Variants in ESR2 observed in about 807,000 individuals in gnomAD.
The protein encoded by ESR2 is estrogen receptor beta.
In ESR2, 36 loss-of-function variants were observed where a neutral mutation model predicts 49.6. The ratio of observed to expected loss-of-function variants is 0.73; its 90% CI spans 0.56 to 0.96. The LOEUF is 0.96. ESR2 is among the 40% of genes least tolerant of loss of function. The pLI is 0.00. For missense variants in ESR2, 714 were observed against 693.0 expected (o/e 1.03, Z -0.34); for synonymous variants, 320 against 266.1 (o/e 1.20, Z -1.97).
intron 3 of ESR2, among the ~76,000 whole-genome samples, chr14:64,275,232 CTCTT>C (rs1365086688): frequency 3.3e-5 from 5 of 152,168 alleles, no homozygotes; most frequent in African/African-American, 1.2e-4. Flanking sequence ...GTCTGTCTCT[CTCTT>C]TAGCTCTAAT....
At chr14:64,227,748 T>C, downstream of ESR2, 1 of 1,547,998 alleles carries the variant, frequency 6.5e-7, no homozygotes, top group Non-Finnish European at 8.7e-7. Flanking sequence ...TTGCTCCCCA[T>C]CTCCAGGGAG....
chr14:64,240,643 G>A (rs2075701368), intron 7 of ESR2, among the ~76,000 whole-genome samples: 1 of 152,130 alleles, frequency 6.6e-6, no homozygotes, highest in Non-Finnish European at 1.5e-5. Flanking sequence ...CCAAGATAAT[G>A]AACACACTCA....
Position 64,278,603 on chromosome 14 carries a change from C to T in ESR2, c.535+1378G>A, listed in dbSNP as rs569427633. Among the ~76,000 whole-genome samples the T allele has an allele frequency of 5.1e-4, 77 of 152,260 alleles. 2 individuals carry two copies. The highest frequency in any genetic ancestry group is 9.1e-4 in the Non-Finnish European group (62 of 68,016). Reference sequence around the variant, plus strand: ...AAGGAAGGGAGCTTTCAGATGGAAACATAGGGTGTTGCCTGGGAGGGAGCA... The same window carrying T: ...AAGGAAGGGAGCTTTCAGATGGAAATATAGGGTGTTGCCTGGGAGGGAGCA... On this transcript the variant is annotated intron_variant, in intron 3 of 8. Coordinates refer to ENST00000341099, the MANE Select transcript of ESR2 (RefSeq NM_001437.3).
chr14:64,226,904 T>A (rs754892930), downstream of ESR2: 7 of 152,256 alleles, frequency 4.6e-5, no homozygotes, highest in Non-Finnish European at 1.0e-4. Context: ...TTGGCCAGGC[T>A]GGTTTCAAAC....
At chr14:64,238,092 C>T (rs903395123) in intron 7 of ESR2, among the ~76,000 whole-genome samples, 5 of 152,130 alleles carry the variant, frequency 3.3e-5, no homozygotes, top group East Asian at 1.9e-4. Flanking sequence ...AATAAAAGAA[C>T]GCCTCAGAAC....
At chr14:64,325,806 T>C (rs1180846392) in intron 1 of ESR2, among the ~76,000 whole-genome samples, 1 of 152,178 alleles carries the variant, frequency 6.6e-6, no homozygotes, top group Non-Finnish European at 1.5e-5. Flanking sequence ...TTTTCTTCTT[T>C]ATGATTTTCT....
chr14:64,284,598 A>G (rs2076751503), intron 1 of ESR2, among the ~76,000 whole-genome samples: 1 of 152,176 alleles, frequency 6.6e-6, no homozygotes, highest in East Asian at 1.9e-4. Context: ...CTGGGATTAC[A>G]GGCATGAGCT....
At chr14:64,261,960 C>A (rs1289553478) in intron 4 of ESR2, among the ~76,000 whole-genome samples, 1 of 152,026 alleles carries the variant, frequency 6.6e-6, no homozygotes, top group South Asian at 2.1e-4. Flanking sequence ...ACTATGTTAC[C>A]CAGTCCTCAA....
chr14:64,227,709 T>C (rs1180943985), downstream of ESR2: 3 of 1,595,036 alleles, frequency 1.9e-6, no homozygotes, highest in Non-Finnish European at 1.7e-6. Context: ...TTTTTGTCTC[T>C]TCCTCAGGAT....
chr14:64,274,641 A>G (rs1380458530), intron 3 of ESR2, among the ~76,000 whole-genome samples: 3 of 151,966 alleles, frequency 2.0e-5, no homozygotes, highest in East Asian at 1.9e-4. Flanking sequence ...CTTTTCTTCT[A>G]TTAATTTTGG....
chr14:64,293,852 G>A lies in ESR2; in HGVS notation c.-91+181C>T, dbSNP rs558508171. 3.3e-5 allele frequency among the ~76,000 whole-genome samples: 5 copies of A among 152,342 alleles called. No individual in the cohort carries two copies. The South Asian group carries it at 1.0e-3, about 32-fold the overall frequency. On this transcript the variant is annotated intron_variant, in intron 1 of 8. Transcript: ENST00000341099. The stretch of plus-strand genomic sequence containing the variant: ...AAACTAAATAAGTTAACTTGCCAGT[G>A]TCTTGAATGAAGACATTTAATCAAA...
At chr14:64,302,901 C>G (rs918544658) in intron 1 of ESR2, among the ~76,000 whole-genome samples, 1 of 152,078 alleles carries the variant, frequency 6.6e-6, no homozygotes. Flanking sequence ...TGGGTTCAAG[C>G]GATTCTCCTG....
intron 1 of ESR2, among the ~76,000 whole-genome samples, chr14:64,324,669 T>C (rs924882798): frequency 5.9e-5 from 9 of 152,330 alleles, no homozygotes; most frequent in African/African-American, 2.2e-4. Context: ...TGAGTAAGCA[T>C]CTGAATTTCC....
At chr14:64,303,014 G>T (rs1188361503) in intron 1 of ESR2, among the ~76,000 whole-genome samples, 3 of 152,046 alleles carry the variant, frequency 2.0e-5, no homozygotes, top group Non-Finnish European at 4.4e-5. Flanking sequence ...TGGCCAGGCT[G>T]GTCTCCAACT....
chr14:64,298,789 T>G (rs921124475), upstream of ESR2, among the ~76,000 whole-genome samples: 3 of 152,228 alleles, frequency 2.0e-5, no homozygotes, highest in Non-Finnish European at 4.4e-5. Flanking sequence ...AATAACTTTT[T>G]GTCCTGTCCA....
intron 1 of ESR2, among the ~76,000 whole-genome samples, chr14:64,319,169 T>C (rs1441648616): frequency 1.3e-5 from 2 of 152,102 alleles, no homozygotes; most frequent in African/African-American, 2.4e-5. Flanking sequence ...CAAGAAAGGA[T>C]AGTCTTTTCA....
At chr14:64,260,859 T>C (rs1287957489) in intron 4 of ESR2, 111 bp from the exon 5 acceptor site, 10 of 1,035,650 alleles carry the variant, frequency 9.7e-6, no homozygotes, top group Non-Finnish European at 1.3e-5. Flanking sequence ...AAGATTACTA[T>C]GGTCGTGACC....
At chr14:64,250,763 G>A (rs2075970037) in intron 6 of ESR2, among the ~76,000 whole-genome samples, 1 of 152,122 alleles carries the variant, frequency 6.6e-6, no homozygotes, top group African/African-American at 2.4e-5. Context: ...TTTCAGGGAA[G>A]AGCCTCTGAC....
At chr14:64,279,080 C>T (rs2076612572) in intron 3 of ESR2, among the ~76,000 whole-genome samples, 1 of 152,214 alleles carries the variant, frequency 6.6e-6, no homozygotes. Context: ...CCAATCATTG[C>T]TTCCTACTGA....
Sources: allele counts gnomAD v4.1 joint callset (sites outside exome capture counted in the v4.1 genomes callset), GRCh38; gene constraint gnomAD v4.1.1; transcripts MANE v1.5; gene names NCBI Gene and HGNC (gene_info 2026-07-23, HGNC 2026-07-21).